RAPGEF5: variants seen among roughly 807,000 people sequenced by gnomAD.
RAPGEF5 encodes the protein M-Ras-regulated GEF.
In RAPGEF5, 65 loss-of-function variants were observed where a neutral mutation model predicts 125.2. That is an observed-to-expected ratio of 0.52 (90% CI 0.43 to 0.64). RAPGEF5 has a LOEUF of 0.64. Among genes scored for constraint, RAPGEF5 ranks in the 30% least tolerant of loss-of-function variants. The probability of loss-of-function intolerance (pLI) is 0.00; values close to 1 mark genes in which losing one functional copy is unlikely to be tolerated. For synonymous variants in RAPGEF5, 391 were observed against 385.9 expected (o/e 1.01, Z -0.16); for missense variants, 958 against 1,048.1 (o/e 0.91, Z 1.19).
At chr7:22,320,261 G>A (rs558392045) in intron 1 of RAPGEF5, among the ~76,000 whole-genome samples, 5 of 152,298 alleles carry the variant, frequency 3.3e-5, no homozygotes, top group Admixed American at 3.3e-4. Context: ...GGGAGCCAGA[G>A]AGCTTTGTGG....
At chr7:22,225,925 C>G (rs916129522) in intron 8 of RAPGEF5, among the ~76,000 whole-genome samples, 2 of 152,080 alleles carry the variant, frequency 1.3e-5, no homozygotes, top group Non-Finnish European at 2.9e-5. Context: ...AAACGAAAAG[C>G]CTGTTTCCTT....
At chr7:22,237,847 G>A (rs974259608) in intron 7 of RAPGEF5, among the ~76,000 whole-genome samples, 1 of 152,140 alleles carries the variant, frequency 6.6e-6, no homozygotes, top group African/African-American at 2.4e-5. Flanking sequence ...ATGGTCTACT[G>A]AACTGAACAA....
At position 22,357,106 on chromosome 7, in the gene RAPGEF5, G is replaced by A. The variant is rs1367809491; in HGVS notation, c.-46C>T. 1 of 959,856 alleles carries A rather than the reference G, an allele frequency of 1.0e-6. No homozygotes were observed. The highest frequency in any genetic ancestry group is 4.7e-5 in the South Asian group (1 of 21,500). The allele number at this position is 959,856 out of a possible 1,614,324, so 59.5% of individuals were successfully genotyped here. A position where few individuals can be genotyped will look rare whatever the true frequency, so the allele number is the denominator to read the frequency against. On this transcript the variant is annotated 5_prime_UTR_variant, in exon 1 of 26. Transcript: ENST00000665637. ...CCGGGGGCTCCTCTCCACCGCGCTCGCCTCCGCGCGCCGTCCGCGCCTTCG... is the reference window on the plus strand; with the variant it reads ...CCGGGGGCTCCTCTCCACCGCGCTCACCTCCGCGCGCCGTCCGCGCCTTCG...
chr7:22,173,333 C>A (rs1017558286), intron 11 of RAPGEF5, among the ~76,000 whole-genome samples: 3 of 152,136 alleles, frequency 2.0e-5, no homozygotes, highest in Non-Finnish European at 4.4e-5. Context: ...TATTAACGAC[C>A]TCGAACGCAG....
chr7:22,235,626 TA>T (rs1254790391), intron 7 of RAPGEF5, among the ~76,000 whole-genome samples: 2 of 152,212 alleles, frequency 1.3e-5, no homozygotes, highest in Admixed American at 6.5e-5. Context: ...GTTGTGGACA[TA>T]AAAATGTTAG....
chr7:22,184,293 G>C (rs1362384880), intron 11 of RAPGEF5, among the ~76,000 whole-genome samples: 1 of 152,192 alleles, frequency 6.6e-6, no homozygotes, highest in Non-Finnish European at 1.5e-5. Flanking sequence ...AAAGTTTAAT[G>C]AAAGTATTCA....
rs532194368 is a variant in RAPGEF5 at position 22,272,787 on chromosome 7, C to T, written c.748-5775G>A. ...TTCTTATTTTTTTGAGACAAGGTTT[C>T]GCTCTGTTGCCCAGGCTGGAGTGCA... is the stretch of plus-strand genomic sequence containing the variant. On this transcript the variant is annotated intron_variant, in intron 6 of 25. Transcript: ENST00000665637. Among the ~76,000 whole-genome samples the T allele has an allele frequency of 3.9e-5, 6 of 152,190 alleles. No homozygotes were observed. In the East Asian group the frequency reaches 5.8e-4, roughly 15 times the overall value.
At chr7:22,176,780 C>T (rs2128119698) in intron 11 of RAPGEF5, among the ~76,000 whole-genome samples, 1 of 152,324 alleles carries the variant, frequency 6.6e-6, no homozygotes. Flanking sequence ...ATCCACCCAC[C>T]TCGGCCTCCC....
intron 7 of RAPGEF5, among the ~76,000 whole-genome samples, chr7:22,231,575 T>C (rs755335723): frequency 6.6e-6 from 1 of 152,198 alleles, no homozygotes; most frequent in Non-Finnish European, 1.5e-5. Flanking sequence ...GGCTTATGTA[T>C]TGCTTATCTC....
At chr7:22,194,081 G>C (rs1785090337) in intron 9 of RAPGEF5, 48 bp from the exon 10 acceptor site, 1 of 1,517,792 alleles carries the variant, frequency 6.6e-7, no homozygotes. Flanking sequence ...AAAAGAGAGA[G>C]AAAATTAAAA....
intron 11 of RAPGEF5, among the ~76,000 whole-genome samples, chr7:22,187,402 A>G (rs1784857247): frequency 6.6e-6 from 1 of 152,152 alleles, no homozygotes; most frequent in African/African-American, 2.4e-5. Context: ...ATCTCATTTT[A>G]GTAACCTTTC....
intron 4 of RAPGEF5, 29 bp from the exon 5 acceptor site, chr7:22,308,536 AT>A: frequency 7.0e-7 from 1 of 1,432,870 alleles, no homozygotes; most frequent in Non-Finnish European, 9.3e-7. Context: ...ATATAGATCA[AT>A]TTTTTAAAAG....
intron 11 of RAPGEF5, among the ~76,000 whole-genome samples, chr7:22,191,894 C>A (rs926525591): frequency 5.3e-5 from 8 of 152,180 alleles, no homozygotes; most frequent in African/African-American, 1.9e-4. Context: ...ACTAATGTGA[C>A]CCAGACACAA....
intron 3 of RAPGEF5, 59 bp downstream of exon 3, chr7:22,315,311 C>A: frequency 2.6e-6 from 4 of 1,512,540 alleles, no homozygotes; most frequent in Non-Finnish European, 3.6e-6. Flanking sequence ...AATTTTAACA[C>A]AGGGTGGTTT....
Position 22,177,285 on chromosome 7 carries a change from C to T in RAPGEF5, c.1205-10137G>A, listed in dbSNP as rs539688192. The stretch of plus-strand genomic sequence containing the variant: ...GAATGTCTGGGCAGTCCTCCACACC[C>T]CAACCCCTACCCAGCATATGTCATT... On this transcript the variant is annotated intron_variant, in intron 11 of 25. Transcript: ENST00000665637. 2.0e-5 allele frequency among the ~76,000 whole-genome samples: 3 copies of T among 152,358 alleles called. No homozygotes were observed. In the East Asian group the frequency reaches 5.8e-4, roughly 29 times the overall value.
At chr7:22,219,801 A>G in intron 9 of RAPGEF5, 65 bp downstream of exon 9, 1 of 1,509,942 alleles carries the variant, frequency 6.6e-7, no homozygotes, top group South Asian at 1.4e-5. Context: ...TCGTTCAAAC[A>G]TGCAATCAGG....
At chr7:22,210,628 T>C (rs746689796) in intron 9 of RAPGEF5, among the ~76,000 whole-genome samples, 18 of 152,184 alleles carry the variant, frequency 1.2e-4, no homozygotes, top group South Asian at 2.1e-4. Flanking sequence ...GATCTTGAGG[T>C]GCCCCTAATC....
intron 5 of RAPGEF5, among the ~76,000 whole-genome samples, chr7:22,301,991 A>G (rs1286530613): frequency 6.6e-6 from 1 of 152,134 alleles, no homozygotes; most frequent in Non-Finnish European, 1.5e-5. Flanking sequence ...TTATTTACAT[A>G]TCGTCATATC....
intron 11 of RAPGEF5, 106 bp from the exon 12 acceptor site, chr7:22,167,254 T>G: frequency 2.6e-6 from 2 of 778,852 alleles, no homozygotes. Flanking sequence ...ATATGATAAA[T>G]ATTGATAGCT....
Sources: gnomAD v4.1 joint callset for allele counts (sites outside exome capture counted in the v4.1 genomes callset) on GRCh38, gnomAD v4.1.1 for gene constraint, MANE v1.5 for transcripts, NCBI Gene and HGNC (gene_info 2026-07-23, HGNC 2026-07-21) for gene names.